The following GRM5 variants were observed in gnomAD, a reference collection of about 807,000 sequenced individuals.
The protein encoded by GRM5 is glutamate metabotropic receptor 5, also known as metabotropic glutamate receptor 5.
A neutral mutation model predicts 83.1 loss-of-function variants in GRM5; 19 were observed. That is an observed-to-expected ratio of 0.23 (90% CI 0.16 to 0.34). GRM5 has a LOEUF of 0.34. Among genes scored for constraint, GRM5 ranks in the 10% least tolerant of loss-of-function variants. GRM5 has a pLI of 1.00. For missense variants in GRM5, 1,160 were observed against 1,588.3 expected, an observed-to-expected ratio of 0.73 and a Z score of 4.58; for synonymous variants, 675 against 633.6, an observed-to-expected ratio of 1.07 and a Z score of -0.98.
intron 8 of GRM5, among the ~76,000 whole-genome samples, chr11:88,543,496 A>G (rs1322893093): frequency 1.3e-5 from 2 of 152,108 alleles, no homozygotes; most frequent in Non-Finnish European, 1.5e-5. Flanking sequence ...GGGCCTGGCA[A>G]GACTCAATAA....
intron 9 of GRM5, among the ~76,000 whole-genome samples, chr11:88,517,128 T>TACACACAC (rs60251358): frequency 9.9e-4 from 146 of 148,182 alleles, no homozygotes; most frequent in Middle Eastern, 3.5e-3. Context: ...TTGGCTTCTG[T>TACACACAC]ACACACACAC....
chr11:88,604,092 T>C (rs1938075450), intron 5 of GRM5, among the ~76,000 whole-genome samples: 1 of 152,162 alleles, frequency 6.6e-6, no homozygotes, highest in Non-Finnish European at 1.5e-5. Context: ...ATGTGAATTA[T>C]GGTAAGTTCT....
intron 3 of GRM5, among the ~76,000 whole-genome samples, chr11:88,797,953 C>G (rs1029647696): frequency 1.3e-5 from 2 of 151,956 alleles, no homozygotes; most frequent in African/African-American, 4.8e-5. Flanking sequence ...TCATGAGTAT[C>G]ATGACACATG....
At chr11:88,573,723 C>G (rs997052517) in intron 7 of GRM5, among the ~76,000 whole-genome samples, 27 of 152,268 alleles carry the variant, frequency 1.8e-4, no homozygotes, top group African/African-American at 6.0e-4. Context: ...ACAGATCTGT[C>G]CAGAGCACAA....
At chr11:88,723,867 C>T (rs1941608506) in intron 3 of GRM5, among the ~76,000 whole-genome samples, 1 of 152,086 alleles carries the variant, frequency 6.6e-6, no homozygotes, top group South Asian at 2.1e-4. Flanking sequence ...TTATTCCTTA[C>T]TTCTTAAATC....
chr11:88,828,227 T>A (rs1943926630), intron 3 of GRM5, among the ~76,000 whole-genome samples: 2 of 152,152 alleles, frequency 1.3e-5, no homozygotes, highest in Admixed American at 6.6e-5. Flanking sequence ...TGTAAGACTG[T>A]GGGTTTTACT....
At chr11:88,781,740 A>G (rs1176460313) in intron 3 of GRM5, among the ~76,000 whole-genome samples, 1 of 152,208 alleles carries the variant, frequency 6.6e-6, no homozygotes, top group Non-Finnish European at 1.5e-5. Context: ...TGCTGACCAC[A>G]ATCTCCTCTG....
chr11:88,724,937 C>G (rs1191550641), intron 3 of GRM5, among the ~76,000 whole-genome samples: 1 of 152,126 alleles, frequency 6.6e-6, no homozygotes, highest in Non-Finnish European at 1.5e-5. Flanking sequence ...GGTGCCTATG[C>G]CACCAGGGTT....
intron 3 of GRM5, among the ~76,000 whole-genome samples, chr11:88,764,531 T>C (rs1430798896): frequency 6.6e-6 from 1 of 151,660 alleles, no homozygotes; most frequent in Non-Finnish European, 1.5e-5. Context: ...AGAGTGAAAT[T>C]AGAAATCAGT....
At chr11:88,739,596 T>C (rs549303362) in intron 3 of GRM5, among the ~76,000 whole-genome samples, 1 of 152,040 alleles carries the variant, frequency 6.6e-6, no homozygotes, top group South Asian at 2.1e-4. Flanking sequence ...GTTTGGATTA[T>C]GGGGGCGGGT....
chr11:88,547,354 T>A (rs1942407968), intron 8 of GRM5, among the ~76,000 whole-genome samples: 1 of 152,094 alleles, frequency 6.6e-6, no homozygotes, highest in African/African-American at 2.4e-5. Context: ...ATTGAAAGTG[T>A]AATGATGGGA....
intron 3 of GRM5, among the ~76,000 whole-genome samples, chr11:88,713,332 C>T (rs949840272): frequency 2.0e-5 from 3 of 152,018 alleles, no homozygotes; most frequent in Admixed American, 1.3e-4. Flanking sequence ...CCTGATGTCT[C>T]TCCATACCTC....
chr11:88,892,108 A>G (rs1328071616), intron 2 of GRM5, among the ~76,000 whole-genome samples: 1 of 150,836 alleles, frequency 6.6e-6, no homozygotes, highest in Non-Finnish European at 1.5e-5. Context: ...TCTGTGAGTA[A>G]CCTTAACTTA....
chr11:88,671,438 G>A (rs1205781280), intron 3 of GRM5, among the ~76,000 whole-genome samples: 1 of 152,080 alleles, frequency 6.6e-6, no homozygotes, highest in Non-Finnish European at 1.5e-5. Context: ...ACTGCCAGCT[G>A]CATTTAGTGT....
At chr11:88,577,570 T>C (rs1461700074) in intron 7 of GRM5, among the ~76,000 whole-genome samples, 1 of 152,166 alleles carries the variant, frequency 6.6e-6, no homozygotes, top group Non-Finnish European at 1.5e-5. Flanking sequence ...TTTACTCTGC[T>C]AGTCATTGTA....
At chr11:88,885,723 A>C (rs1305327916) in intron 2 of GRM5, among the ~76,000 whole-genome samples, 1 of 152,140 alleles carries the variant, frequency 6.6e-6, no homozygotes, top group Non-Finnish European at 1.5e-5. Context: ...GAAATCACTT[A>C]GGGAGATAGC....
chr11:88,602,872 A>G (rs1028148919), intron 5 of GRM5, among the ~76,000 whole-genome samples: 12 of 152,208 alleles, frequency 7.9e-5, no homozygotes, highest in African/African-American at 2.9e-4. Flanking sequence ...CACACACTCA[A>G]TATATGCTAG....
intron 2 of GRM5, among the ~76,000 whole-genome samples, chr11:88,893,439 T>C (rs1945181375): frequency 1.3e-5 from 2 of 151,944 alleles, no homozygotes; most frequent in Admixed American, 1.3e-4. Context: ...AAAAGAATAG[T>C]TGGTCGTTTA....
intron 3 of GRM5, among the ~76,000 whole-genome samples, chr11:88,730,157 C>G (rs537620925): frequency 1.2e-4 from 19 of 152,236 alleles, no homozygotes; most frequent in African/African-American, 4.6e-4. Flanking sequence ...TATCCAGAAT[C>G]TACAAAGAAC....
Sources: allele counts gnomAD v4.1 joint callset (sites outside exome capture counted in the v4.1 genomes callset), GRCh38; gene constraint gnomAD v4.1.1; transcripts MANE v1.5; gene names NCBI Gene and HGNC (gene_info 2026-07-23, HGNC 2026-07-21).